Variants in CNBD1 observed in about 807,000 individuals in gnomAD.
The protein encoded by CNBD1 is cyclic nucleotide-binding domain-containing protein 1.
CNBD1 carries 71 observed loss-of-function variants against 54.4 expected under a neutral mutation model. That is an observed-to-expected ratio of 1.30 (90% CI 1.08 to 1.59). The LOEUF is 1.59. CNBD1 is among the 40% of genes most tolerant of loss of function. The probability of loss-of-function intolerance (pLI) is 0.00; values close to 1 mark genes in which losing one functional copy is unlikely to be tolerated. For synonymous variants in CNBD1, 182 were observed against 170.7 expected, an observed-to-expected ratio of 1.07 and a Z score of -0.51; for missense variants, 659 against 518.0, an observed-to-expected ratio of 1.27 and a Z score of -2.64.
chr8:87,349,338 T>C (rs1403280269), intron 8 of CNBD1, among the ~76,000 whole-genome samples: 1 of 152,132 alleles, frequency 6.6e-6, no homozygotes, highest in Admixed American at 6.6e-5. Flanking sequence ...TAGTCCAAAA[T>C]AGTAATATTA....
In CNBD1 at chr8:87,018,066, A is replaced by T. The variant is rs528966963; in HGVS notation, c.431+78312A>T. On this transcript the variant is annotated intron_variant, in intron 4 of 10. Transcript: ENST00000518476. ...CAAGACCAGCCTGACCAACATGGAG[A>T]AACCCCATCTCTACTGAAAATGCAA... is the stretch of plus-strand genomic sequence containing the variant. Among the ~76,000 whole-genome samples, 186 of 152,206 alleles carry T rather than the reference A, an allele frequency of 1.2e-3. 3 individuals carry two copies. Among genetic ancestry groups the T allele is most frequent in the African/African-American group, 4.2e-3 (174 of 41,534 alleles).
intron 2 of CNBD1, among the ~76,000 whole-genome samples, chr8:87,388,105 T>G (rs901060667): frequency 1.3e-5 from 2 of 151,904 alleles, no homozygotes; most frequent in African/African-American, 4.8e-5. Context: ...CATTCAAAAC[T>G]GTGTAGAGGG....
At chr8:86,905,919 C>T (rs1015432290) in intron 3 of CNBD1, among the ~76,000 whole-genome samples, 3 of 152,186 alleles carry the variant, frequency 2.0e-5, no homozygotes, top group East Asian at 1.9e-4. Flanking sequence ...TGGAAACCTC[C>T]TACTCCATAC....
intron 4 of CNBD1, among the ~76,000 whole-genome samples, chr8:87,020,994 A>C (rs1809476757): frequency 6.6e-6 from 1 of 152,154 alleles, no homozygotes; most frequent in Non-Finnish European, 1.5e-5. Context: ...AACCTCAACC[A>C]ATTGTCAACC....
chr8:86,943,697 ATT>A (rs1392781285), intron 4 of CNBD1, among the ~76,000 whole-genome samples: 1 of 152,012 alleles, frequency 6.6e-6, no homozygotes, highest in African/African-American at 2.4e-5. Context: ...CCTTTTTAAA[ATT>A]TTGTTTTTTA....
rs199845704 is a variant in CNBD1, at chr8:86,878,105, T to A, written c.89-9437T>A. On this transcript the variant is annotated intron_variant, in intron 1 of 10. Transcript: ENST00000518476. ...CTGTGTGTGTGTGTGTGTGTGTGTG[T>A]GAGAGAGAGAGAGAGAGAGAGAGAG... 6.3e-3 allele frequency among the ~76,000 whole-genome samples: 893 copies of A among 140,946 alleles called. 12 individuals are homozygous for A. The highest frequency in any genetic ancestry group is 0.031 in the East Asian group (143 of 4,670). 92.5% of individuals were successfully genotyped at this position (140,946 alleles called of 152,430 possible). A position where few individuals can be genotyped will look rare whatever the true frequency, so the allele number is the denominator to read the frequency against.
Position 87,397,819 on chromosome 8 carries a change from A to G in CNBD1, c.214-30727A>G, listed in dbSNP as rs185966900. Among the ~76,000 whole-genome samples the G allele has an allele frequency of 9.5e-4, 144 of 152,098 alleles. 1 individual carries two copies. Among genetic ancestry groups the G allele is most frequent in the African/African-American group, 3.3e-3 (137 of 41,540 alleles). On this transcript the variant is annotated intron_variant, in intron 2 of 7. Transcript: ENST00000521593. The stretch of plus-strand genomic sequence containing the variant: ...GGACATGGTGGTTGATGACTGAATC[A>G]TGGGGGCAGGTCTTTCCCATGTTGT...
Position 87,049,338 on chromosome 8 carries a change from C to G in CNBD1, c.431+109584C>G, listed in dbSNP as rs368263805. Reference sequence around the variant, plus strand: ...AACAGTGAGGAGGTGTCTTTCCTTCCAGATATCAGCATGGACATGGAGAAC... The same window carrying G: ...AACAGTGAGGAGGTGTCTTTCCTTCGAGATATCAGCATGGACATGGAGAAC... On this transcript the variant is annotated intron_variant, in intron 4 of 10. Transcript: ENST00000518476. 1.3e-4 allele frequency among the ~76,000 whole-genome samples: 20 copies of G among 152,234 alleles called. No homozygotes were observed. In the South Asian group the frequency reaches 3.3e-3, roughly 25 times the overall value.
intron 4 of CNBD1, among the ~76,000 whole-genome samples, chr8:87,016,612 G>C (rs563200919): frequency 5.3e-5 from 8 of 152,086 alleles, no homozygotes; most frequent in African/African-American, 1.9e-4. Flanking sequence ...GTATCATTCA[G>C]CTTCTTTAAA....
At chr8:87,299,204 T>C (rs1808938681) in intron 8 of CNBD1, among the ~76,000 whole-genome samples, 2 of 152,166 alleles carry the variant, frequency 1.3e-5, no homozygotes, top group Non-Finnish European at 2.9e-5. Context: ...GCCAGTTCTC[T>C]ATTCCACTTT....
chr8:87,266,536 C>G (rs2130854031), intron 6 of CNBD1, among the ~76,000 whole-genome samples: 1 of 146,536 alleles, frequency 6.8e-6, no homozygotes. Context: ...ACTGCAACCT[C>G]CGCCTCCCAG....
At chr8:87,224,270 T>G (rs1284366015) in intron 5 of CNBD1, among the ~76,000 whole-genome samples, 41 of 149,352 alleles carry the variant, frequency 2.7e-4, no homozygotes, top group South Asian at 1.5e-3. Flanking sequence ...GTCAATTTTG[T>G]CTTTTGTTGC....
At chr8:87,242,004 C>T (rs1807716734) in intron 6 of CNBD1, among the ~76,000 whole-genome samples, 1 of 152,084 alleles carries the variant, frequency 6.6e-6, no homozygotes, top group Non-Finnish European at 1.5e-5. Context: ...ACCTGAAAAA[C>T]TAGTTGAGGA....
At chr8:86,979,731 TAAG>T (rs1297189446) in intron 4 of CNBD1, among the ~76,000 whole-genome samples, 2 of 152,162 alleles carry the variant, frequency 1.3e-5, no homozygotes, top group Non-Finnish European at 2.9e-5. Flanking sequence ...TGTCCCCATA[TAAG>T]AAGTCCCATA....
chr8:87,114,118 C>T (rs1187619811), intron 4 of CNBD1, among the ~76,000 whole-genome samples: 1 of 152,088 alleles, frequency 6.6e-6, no homozygotes, highest in Non-Finnish European at 1.5e-5. Flanking sequence ...AATTTCCTTT[C>T]AACATACTAC....
At chr8:87,235,365 C>G (rs1807563901) in intron 5 of CNBD1, among the ~76,000 whole-genome samples, 1 of 152,134 alleles carries the variant, frequency 6.6e-6, no homozygotes, top group Non-Finnish European at 1.5e-5. Context: ...ACGAGCCTTC[C>G]TTACTCAGGT....
At chr8:86,872,273 T>G in intron 1 of CNBD1, among the ~76,000 whole-genome samples, 1 of 152,210 alleles carries the variant, frequency 6.6e-6, no homozygotes, top group East Asian at 1.9e-4. Flanking sequence ...TTATTTGTTC[T>G]TATCATTTCA....
intron 4 of CNBD1, among the ~76,000 whole-genome samples, chr8:87,036,594 TAAAAAAA>T (rs58299323): frequency 3.1e-5 from 2 of 64,742 alleles, no homozygotes; most frequent in Non-Finnish European, 5.5e-5. Flanking sequence ...ACTGCATCTC[TAAAAAAA>T]AAAAAAAAAA....
At chr8:86,909,339 C>G (rs1809065904) in intron 3 of CNBD1, among the ~76,000 whole-genome samples, 1 of 152,110 alleles carries the variant, frequency 6.6e-6, no homozygotes, top group African/African-American at 2.4e-5. Flanking sequence ...TTCTTTTTCA[C>G]AAAAATTATA....
Sources: gnomAD v4.1 joint callset for allele counts (sites outside exome capture counted in the v4.1 genomes callset) on GRCh38, gnomAD v4.1.1 for gene constraint, MANE v1.5 for transcripts, NCBI Gene and HGNC (gene_info 2026-07-23, HGNC 2026-07-21) for gene names.